Variants in PAPPA2 observed in about 807,000 individuals in gnomAD.
PAPPA2 encodes pappalysin 2.
In PAPPA2, 86 loss-of-function variants were observed where a neutral mutation model predicts 176.4. The ratio of observed to expected loss-of-function variants is 0.49; its 90% confidence interval spans 0.41 to 0.58. PAPPA2 has a LOEUF of 0.58. PAPPA2 is among the 20% of genes least tolerant of loss of function. The pLI is 0.00. For missense variants in PAPPA2, 2,073 were observed against 2,256.9 expected, an observed-to-expected ratio of 0.92 and a Z score of 1.65; for synonymous variants, 809 against 852.2, an observed-to-expected ratio of 0.95 and a Z score of 0.88.
At chr1:176,598,849 C>T (rs1016728639) in intron 3 of PAPPA2, among the ~76,000 whole-genome samples, 36 of 152,204 alleles carry the variant, frequency 2.4e-4, no homozygotes, top group Non-Finnish European at 4.1e-4. Context: ...CTCTTCAATG[C>T]GTTTTTTTGG....
intron 3 of PAPPA2, among the ~76,000 whole-genome samples, chr1:176,623,701 T>G (rs1160364274): frequency 8.3e-6 from 1 of 119,976 alleles, no homozygotes; most frequent in Non-Finnish European, 1.7e-5. Flanking sequence ...CTCTTTCCTT[T>G]CTTTCTTTTC....
intron 2 of PAPPA2, among the ~76,000 whole-genome samples, chr1:176,568,988 A>T (rs1023135827): frequency 1.4e-4 from 21 of 152,062 alleles, no homozygotes; most frequent in African/African-American, 4.8e-4. Flanking sequence ...GTCATATGAG[A>T]CCCTACTTAC....
At position 176,595,052 on chromosome 1, in the gene PAPPA2, G is replaced by A. The variant is rs775880122; in HGVS notation, c.1448G>A (p.Gly483Asp). Reference protein sequence around the residue: ...EKYPRLEVLQGFEPEPEILSP... With the variant: ...EKYPRLEVLQDFEPEPEILSP... ...TACCCACGACTTGAGGTTCTCCAGG[G>A]CTTTGAGCCAGAGCCTGAGATTCTG... Residue 483 changes from glycine to aspartate, a missense_variant, in exon 3 of 23, where the codon GGC (glycine) becomes GAC (aspartate). Physicochemically the swap from Gly to Asp is moderately conservative, Grantham distance 94. Coordinates refer to ENST00000367662, the MANE Select transcript of PAPPA2 (RefSeq NM_020318.3). 5 of 1,614,182 alleles carry A rather than the reference G, an allele frequency of 3.1e-6. No individual in the cohort carries two copies. Among genetic ancestry groups the A allele is most frequent in the South Asian group, 1.1e-5 (1 of 91,082 alleles).
intron 1 of PAPPA2, among the ~76,000 whole-genome samples, chr1:176,485,896 T>C (rs1652624907): frequency 6.6e-6 from 1 of 152,180 alleles, no homozygotes; most frequent in Non-Finnish European, 1.5e-5. Context: ...GCATTTAGAC[T>C]TGGAGGCTTA....
intron 3 of PAPPA2, among the ~76,000 whole-genome samples, chr1:176,633,443 A>G (rs1656471232): frequency 6.6e-6 from 1 of 152,214 alleles, no homozygotes; most frequent in Non-Finnish European, 1.5e-5. Flanking sequence ...TCTTGTAAAA[A>G]TTTGAAAACC....
At position 176,706,391 on chromosome 1, in the gene PAPPA2, T is replaced by C. The variant is rs1230601794; in HGVS notation, c.3398T>C (p.Leu1133Pro). 2 of 1,613,822 alleles carry C rather than the reference T, an allele frequency of 1.2e-6. No individual in the cohort carries two copies. Among genetic ancestry groups the C allele is most frequent in the South Asian group, 2.2e-5 (2 of 91,078 alleles). ...RLGEECDDGDLVSGDGCSKVC... is the reference protein window; with the variant it reads ...RLGEECDDGDPVSGDGCSKVC... The stretch of plus-strand genomic sequence containing the variant: ...GGAGAAGAGTGTGATGATGGAGACC[T>C]TGTGAGCGGAGATGGCTGCTCCAAG... The change falls in exon 10 of 23, where the codon CTT becomes CCT. Residue 1133 changes from leucine to proline, a missense_variant. Transcript: ENST00000367662.
rs183785221 is a variant in PAPPA2 at position 176,580,890 on chromosome 1, G to C, written c.920-13634G>C. On this transcript the variant is annotated intron_variant, in intron 2 of 22. Transcript: ENST00000367662. ...TATTCTGGATATTAAACCACTGTTGGATGAATAGTTGCAACTATTTTCTCC... is the reference window on the plus strand; with the variant it reads ...TATTCTGGATATTAAACCACTGTTGCATGAATAGTTGCAACTATTTTCTCC... Among the ~76,000 whole-genome samples the C allele has an allele frequency of 2.8e-3, 425 of 152,214 alleles. 7 individuals carry two copies. The highest frequency in any genetic ancestry group is 0.026 in the Admixed American group (400 of 15,286).
chr1:176,720,858 G>A, intron 12 of PAPPA2, among the ~76,000 whole-genome samples: 1 of 152,186 alleles, frequency 6.6e-6, no homozygotes, highest in East Asian at 1.9e-4. Context: ...CCAAGAAGCT[G>A]CTGGTACAAG....
chr1:176,671,138 A>G (rs1573226995), intron 4 of PAPPA2, 23 bp downstream of exon 4: 1 of 1,608,516 alleles, frequency 6.2e-7, no homozygotes, highest in Non-Finnish European at 8.5e-7. Flanking sequence ...AAGACCAAAC[A>G]TAGTAGGAAA....
At chr1:176,471,519 C>T (rs1328174909) in intron 1 of PAPPA2, among the ~76,000 whole-genome samples, 1 of 152,166 alleles carries the variant, frequency 6.6e-6, no homozygotes, top group Non-Finnish European at 1.5e-5. Flanking sequence ...GGTTAACCAT[C>T]AACCAGATAA....
At chr1:176,597,394 C>T (rs959802923) in intron 3 of PAPPA2, among the ~76,000 whole-genome samples, 3 of 152,162 alleles carry the variant, frequency 2.0e-5, no homozygotes, top group Non-Finnish European at 4.4e-5. Flanking sequence ...TTAAGGCTGA[C>T]AGATAGCAAG....
intron 3 of PAPPA2, among the ~76,000 whole-genome samples, chr1:176,629,907 A>G (rs1005903496): frequency 6.6e-6 from 1 of 152,136 alleles, no homozygotes; most frequent in African/African-American, 2.4e-5. Context: ...TGAAAAATGT[A>G]AGATGTAAGG....
chr1:176,573,592 GTC>G (rs1012160453), intron 2 of PAPPA2, among the ~76,000 whole-genome samples: 1 of 152,074 alleles, frequency 6.6e-6, no homozygotes, highest in African/African-American at 2.4e-5. Flanking sequence ...CTCTCTCTCT[GTC>G]TCTCTCTCTG....
At chr1:176,584,308 T>C (rs1227301734) in intron 2 of PAPPA2, among the ~76,000 whole-genome samples, 1 of 152,204 alleles carries the variant, frequency 6.6e-6, no homozygotes, top group Non-Finnish European at 1.5e-5. Context: ...GCTTTATATA[T>C]CTGGGTGCTC....
intron 3 of PAPPA2, among the ~76,000 whole-genome samples, chr1:176,634,790 C>A (rs1319168643): frequency 7.1e-6 from 1 of 141,622 alleles, no homozygotes; most frequent in Admixed American, 7.3e-5. Flanking sequence ...GTTAAAATTT[C>A]CAAGGAGAGA....
intron 1 of PAPPA2, among the ~76,000 whole-genome samples, chr1:176,470,904 A>G (rs1651841933): frequency 6.6e-6 from 1 of 152,006 alleles, no homozygotes; most frequent in Admixed American, 6.6e-5. Flanking sequence ...GAAAGAGAGC[A>G]AAAGCTGGCC....
intron 20 of PAPPA2, among the ~76,000 whole-genome samples, chr1:176,794,325 A>T (rs1210705154): frequency 6.6e-6 from 1 of 152,188 alleles, no homozygotes; most frequent in Admixed American, 6.5e-5. Flanking sequence ...GGGTGAGGGT[A>T]ATATCTAGCT....
At chr1:176,691,103 G>C (rs773929902) in intron 5 of PAPPA2, 37 of 985,178 alleles carry the variant, frequency 3.8e-5, no homozygotes, top group African/African-American at 5.2e-5. Context: ...ATTCTTCGCT[G>C]TCTCTCACGC....
At position 176,742,990 on chromosome 1, in the gene PAPPA2, G is replaced by T. The variant is rs142438561; in HGVS notation, c.4151+2794G>T. On this transcript the variant is annotated intron_variant, in intron 14 of 22. Transcript: ENST00000367662. ...AACCTGATTGGCCCACAGAATCTCA[G>T]ATGAAAGCCAGTAAACCTAAGTCAG... Among the ~76,000 whole-genome samples the T allele has an allele frequency of 1.4e-4, 22 of 152,256 alleles. 1 individual carries two copies. In the Middle Eastern group the frequency reaches 0.01, roughly 71 times the overall value.
Sources: allele counts gnomAD v4.1 joint callset (sites outside exome capture counted in the v4.1 genomes callset), GRCh38; gene constraint gnomAD v4.1.1; transcripts MANE v1.5; gene names NCBI Gene and HGNC (gene_info 2026-07-23, HGNC 2026-07-21).